RALYL: variants seen among roughly 807,000 people sequenced by gnomAD.
RALYL encodes RNA-binding Raly-like protein.
A neutral mutation model predicts 35.1 loss-of-function variants in RALYL; 29 were observed. That is an observed-to-expected ratio of 0.83 (90% confidence interval 0.61 to 1.13). RALYL has a LOEUF of 1.13. Among genes scored for constraint, RALYL ranks in the 50% most tolerant of loss-of-function variants. The probability of loss-of-function intolerance (pLI) is 0.00; values close to 1 mark genes in which losing one functional copy is unlikely to be tolerated. For synonymous variants in RALYL, 120 were observed against 127.6 expected, an observed-to-expected ratio of 0.94 and a Z score of 0.40; for missense variants, 359 against 360.4, an observed-to-expected ratio of 1.00 and a Z score of 0.03.
chr8:84,196,300 G>A (rs1419299041), intron 1 of RALYL, among the ~76,000 whole-genome samples: 2 of 152,120 alleles, frequency 1.3e-5, no homozygotes, highest in African/African-American at 4.8e-5. Flanking sequence ...AAAGGAAATG[G>A]AAGAGAAAGA....
In RALYL at chr8:84,704,562, C is replaced by T. The variant is rs1164575600; in HGVS notation, c.257-70017C>T. 2.0e-5 allele frequency among the ~76,000 whole-genome samples: 3 copies of T among 151,884 alleles called. No individual in the cohort carries two copies. The South Asian group carries it at 6.2e-4, about 32-fold the overall frequency. On this transcript the variant is annotated intron_variant, in intron 2 of 8. Transcript: ENST00000521268. ...TGATCTAACCTCTGGACATACATCTCTGGAAAAAAAATGAAGTTTTATCCT... is the reference window on the plus strand; with the variant it reads ...TGATCTAACCTCTGGACATACATCTTTGGAAAAAAAATGAAGTTTTATCCT...
intron 1 of RALYL, among the ~76,000 whole-genome samples, chr8:84,468,339 G>A (rs1332296687): frequency 4.0e-5 from 6 of 151,776 alleles, no homozygotes; most frequent in East Asian, 1.9e-4. Context: ...GGCAGGCCTG[G>A]TGGTGACAAA....
intron 8 of RALYL, among the ~76,000 whole-genome samples, chr8:84,907,439 A>T (rs1846723919): frequency 6.6e-6 from 1 of 152,120 alleles, no homozygotes; most frequent in Non-Finnish European, 1.5e-5. Flanking sequence ...ACTACCTTCC[A>T]GGAACAATGC....
intron 1 of RALYL, among the ~76,000 whole-genome samples, chr8:84,475,757 T>C (rs2053326467): frequency 6.6e-6 from 1 of 152,204 alleles, no homozygotes; most frequent in Non-Finnish European, 1.5e-5. Flanking sequence ...CCAGAATTTG[T>C]TTAAACCTAC....
chr8:84,881,333 CA>C (rs1193808986), intron 7 of RALYL, among the ~76,000 whole-genome samples: 1 of 151,832 alleles, frequency 6.6e-6, no homozygotes, highest in East Asian at 1.9e-4. Context: ...TGCTTGTATG[CA>C]AAAACAATGA....
intron 1 of RALYL, among the ~76,000 whole-genome samples, chr8:84,293,916 T>C (rs2132263720): frequency 6.6e-6 from 1 of 152,250 alleles, no homozygotes; most frequent in Non-Finnish European, 1.5e-5. Context: ...TTTCTATTTT[T>C]CTTCTTGCAG....
At chr8:84,476,389 G>GA (rs2053424693) in intron 1 of RALYL, among the ~76,000 whole-genome samples, 2 of 152,078 alleles carry the variant, frequency 1.3e-5, no homozygotes, top group African/African-American at 4.8e-5. Flanking sequence ...GACTCTTATG[G>GA]AAAACCTCTT....
intron 8 of RALYL, 56 bp downstream of exon 8, chr8:84,887,832 G>T (rs2135426026): frequency 7.0e-7 from 1 of 1,424,038 alleles, no homozygotes; most frequent in South Asian, 1.3e-5. Context: ...TAGCATGTTA[G>T]CAACTCATTC....
At chr8:84,854,281 G>A (rs1836495260) in intron 5 of RALYL, among the ~76,000 whole-genome samples, 2 of 151,912 alleles carry the variant, frequency 1.3e-5, no homozygotes, top group South Asian at 2.1e-4. Flanking sequence ...AGGAGGCAGA[G>A]GTTGCAGTGA....
intron 1 of RALYL, among the ~76,000 whole-genome samples, chr8:84,221,875 G>T (rs1822307829): frequency 6.6e-6 from 1 of 152,040 alleles, no homozygotes; most frequent in Admixed American, 6.6e-5. Context: ...TCTAGAGTCT[G>T]CTAGTCTAAT....
In RALYL at chr8:84,729,700, A is replaced by G. The variant is rs574255971; in HGVS notation, c.257-44879A>G. Among the ~76,000 whole-genome samples, 12 of 152,226 alleles carry G rather than the reference A, an allele frequency of 7.9e-5. No individual in the cohort carries two copies. In the South Asian group the frequency reaches 2.5e-3, roughly 32 times the overall value. On this transcript the variant is annotated intron_variant, in intron 2 of 8. Transcript: ENST00000521268. ...GACGCAATAAAAAATGATAAAGGGG[A>G]TATCACCACTGATCCCACAGAAATA...
intron 2 of RALYL, among the ~76,000 whole-genome samples, chr8:84,688,734 T>G (rs1376722956): frequency 6.6e-6 from 1 of 152,044 alleles, no homozygotes; most frequent in Non-Finnish European, 1.5e-5. Flanking sequence ...TAGGATTGCA[T>G]CAAACTAAGA....
At chr8:84,447,607 T>G (rs1292956892) in intron 1 of RALYL, among the ~76,000 whole-genome samples, 1 of 152,064 alleles carries the variant, frequency 6.6e-6, no homozygotes, top group Non-Finnish European at 1.5e-5. Flanking sequence ...CATCCATTCA[T>G]TCCTTCATTT....
At chr8:84,674,618 C>A (rs1833855741) in intron 2 of RALYL, among the ~76,000 whole-genome samples, 1 of 152,126 alleles carries the variant, frequency 6.6e-6, no homozygotes, top group Non-Finnish European at 1.5e-5. Context: ...TTACACAGTA[C>A]TTTAAAAGTA....
intron 1 of RALYL, among the ~76,000 whole-genome samples, chr8:84,391,372 A>G (rs913661688): frequency 1.3e-5 from 2 of 152,000 alleles, no homozygotes; most frequent in Admixed American, 1.3e-4. Context: ...CCTATTTCAC[A>G]TCTTGTACTT....
intron 2 of RALYL, among the ~76,000 whole-genome samples, chr8:84,748,632 G>A (rs1039080792): frequency 6.6e-6 from 1 of 151,988 alleles, no homozygotes; most frequent in Non-Finnish European, 1.5e-5. Flanking sequence ...CATGCTACCT[G>A]AATGATTCAC....
chr8:84,365,942 C>T (rs1383723860), intron 1 of RALYL, among the ~76,000 whole-genome samples: 2 of 152,314 alleles, frequency 1.3e-5, no homozygotes, highest in Middle Eastern at 3.4e-3. Context: ...CGCATGGACA[C>T]GTTGGCATTG....
chr8:84,907,341 C>T (rs969687301), intron 8 of RALYL, among the ~76,000 whole-genome samples: 2 of 149,648 alleles, frequency 1.3e-5, no homozygotes, highest in African/African-American at 2.5e-5. Context: ...CACACACACA[C>T]ACACACACAC....
At chr8:84,789,808 T>G (rs1030428023) in intron 3 of RALYL, among the ~76,000 whole-genome samples, 3 of 152,072 alleles carry the variant, frequency 2.0e-5, no homozygotes, top group African/African-American at 7.2e-5. Context: ...CTCCATGAGC[T>G]GTAATCACTC....
Sources: allele counts gnomAD v4.1 joint callset (sites outside exome capture counted in the v4.1 genomes callset), GRCh38; gene constraint gnomAD v4.1.1; transcripts MANE v1.5; gene names NCBI Gene and HGNC (gene_info 2026-07-23, HGNC 2026-07-21).